The following GABRG3 variants were observed in gnomAD, a reference collection of about 807,000 sequenced individuals.
GABRG3 encodes gamma-aminobutyric acid type A receptor subunit gamma3.
A neutral mutation model predicts 48.8 loss-of-function variants in GABRG3; 25 were observed. That is an observed-to-expected ratio of 0.51 (90% CI 0.37 to 0.72). The LOEUF is 0.72. GABRG3 is among the 30% of genes least tolerant of loss of function. GABRG3 has a pLI of 0.00. For missense variants in GABRG3, 394 were observed against 577.9 expected (o/e 0.68, Z 3.26); for synonymous variants, 227 against 217.6 (o/e 1.04, Z -0.38).
chr15:27,417,970 C>G (rs1028295952), intron 5 of GABRG3, among the ~76,000 whole-genome samples: 1 of 152,122 alleles, frequency 6.6e-6, no homozygotes, highest in Non-Finnish European at 1.5e-5. Flanking sequence ...GGGGCTTTTG[C>G]GAGGATCAGA....
intron 9 of GABRG3, among the ~76,000 whole-genome samples, chr15:27,531,557 C>T (rs886529144): frequency 1.3e-5 from 2 of 152,258 alleles, no homozygotes; most frequent in African/African-American, 4.8e-5. Context: ...CTCTCCACCT[C>T]CTCCTTGGTG....
intron 1 of GABRG3, among the ~76,000 whole-genome samples, chr15:26,971,878 G>A (rs1347715773): frequency 6.6e-6 from 1 of 152,174 alleles, no homozygotes; most frequent in Non-Finnish European, 1.5e-5. Context: ...CAGGTTCAGG[G>A]GGCAGGGGCC....
intron 5 of GABRG3, among the ~76,000 whole-genome samples, chr15:27,334,077 T>G (rs1391907129): frequency 6.6e-6 from 1 of 152,216 alleles, no homozygotes; most frequent in Non-Finnish European, 1.5e-5. Flanking sequence ...TACTCATGAT[T>G]TCACTTCCAA....
At chr15:27,003,879 C>T (rs999614129) in intron 2 of GABRG3, among the ~76,000 whole-genome samples, 5 of 134,592 alleles carry the variant, frequency 3.7e-5, no homozygotes, top group African/African-American at 5.8e-5. Flanking sequence ...CCCTCCCAGA[C>T]GGGGCGGCTG....
At chr15:27,099,558 A>C (rs564012970) in intron 3 of GABRG3, among the ~76,000 whole-genome samples, 26 of 152,294 alleles carry the variant, frequency 1.7e-4, no homozygotes, top group African/African-American at 6.0e-4. Context: ...CAATCTCCAA[A>C]TGCAATGACA....
At chr15:27,279,318 T>C (rs929009365) in intron 3 of GABRG3, among the ~76,000 whole-genome samples, 4 of 152,234 alleles carry the variant, frequency 2.6e-5, no homozygotes, top group African/African-American at 4.8e-5. Flanking sequence ...TTGGATTTCA[T>C]GTAGAATAGC....
At chr15:27,097,209 T>C (rs745851765) in intron 3 of GABRG3, among the ~76,000 whole-genome samples, 29 of 151,930 alleles carry the variant, frequency 1.9e-4, no homozygotes, top group Non-Finnish European at 2.5e-4. Flanking sequence ...GGTGGGCAGA[T>C]ACTTGGAGAT....
At chr15:27,387,584 A>C (rs1895962989) in intron 5 of GABRG3, among the ~76,000 whole-genome samples, 1 of 151,860 alleles carries the variant, frequency 6.6e-6, no homozygotes, top group Non-Finnish European at 1.5e-5. Context: ...CTTGATACAC[A>C]TGTGTGAATA....
intron 3 of GABRG3, among the ~76,000 whole-genome samples, chr15:27,030,253 T>C (rs759428516): frequency 3.3e-5 from 5 of 152,198 alleles, no homozygotes; most frequent in African/African-American, 4.8e-5. Flanking sequence ...TAACAATCAA[T>C]GAAACAGGGA....
At chr15:27,445,607 G>T (rs1388525874) in intron 5 of GABRG3, among the ~76,000 whole-genome samples, 2 of 152,128 alleles carry the variant, frequency 1.3e-5, no homozygotes, top group African/African-American at 4.8e-5. Context: ...TATGTGGTTT[G>T]CAAACATTTG....
At chr15:27,387,765 C>T (rs549718625) in intron 5 of GABRG3, among the ~76,000 whole-genome samples, 33 of 122,452 alleles carry the variant, frequency 2.7e-4, no homozygotes, top group Middle Eastern at 4.5e-3. Flanking sequence ...CTGCTCATGA[C>T]AGTACAAAGT....
chr15:27,288,459 A>T (rs1206513257), intron 3 of GABRG3, among the ~76,000 whole-genome samples: 1 of 151,950 alleles, frequency 6.6e-6, no homozygotes, highest in African/African-American at 2.4e-5. Flanking sequence ...CAGTCATTAG[A>T]TTTTCATAAG....
At chr15:27,308,174 A>G (rs1422049261) in intron 3 of GABRG3, among the ~76,000 whole-genome samples, 1 of 89,442 alleles carries the variant, frequency 1.1e-5, no homozygotes, top group Admixed American at 1.0e-4. Context: ...ATATATGTTT[A>G]TATATCCAAA....
intron 2 of GABRG3, among the ~76,000 whole-genome samples, chr15:26,998,675 G>C (rs565518323): frequency 3.8e-4 from 58 of 152,298 alleles, no homozygotes; most frequent in Middle Eastern, 6.8e-3. Flanking sequence ...AAACACTGGT[G>C]ACCATCCCCT....
intron 3 of GABRG3, among the ~76,000 whole-genome samples, chr15:27,156,801 C>A (rs1898440644): frequency 6.6e-6 from 1 of 152,146 alleles, no homozygotes; most frequent in African/African-American, 2.4e-5. Flanking sequence ...AGCAATAGGG[C>A]CATGAACATT....
chr15:27,339,700 A>C (rs1367298063), intron 5 of GABRG3, among the ~76,000 whole-genome samples: 1 of 152,196 alleles, frequency 6.6e-6, no homozygotes, highest in Non-Finnish European at 1.5e-5. Context: ...GGTACACAGG[A>C]TTGCGCTGGT....
intron 3 of GABRG3, among the ~76,000 whole-genome samples, chr15:27,308,660 A>G (rs1401271568): frequency 6.7e-6 from 1 of 149,232 alleles, no homozygotes. Flanking sequence ...ATGTATAAAC[A>G]TATAATGTAA....
Position 27,307,110 on chromosome 15 carries a change from T to C in GABRG3, c.271-19699T>C, listed in dbSNP as rs549950825. 7.8e-4 allele frequency among the ~76,000 whole-genome samples: 97 copies of C among 123,860 alleles called. 1 individual carries two copies. The highest frequency in any genetic ancestry group is 1.0e-3 in the Non-Finnish European group (66 of 64,378). 81.3% of individuals were successfully genotyped at this position (123,860 alleles called of 152,430 possible). The stretch of plus-strand genomic sequence containing the variant: ...TATAAACATATAATATAAACATGTT[T>C]ATATATAAACATAATATAAACATGT... On this transcript the variant is annotated intron_variant, in intron 3 of 9. Coordinates refer to ENST00000615808, the MANE Select transcript of GABRG3 (RefSeq NM_033223.5).
At chr15:27,263,448 G>A (rs750323858) in intron 3 of GABRG3, among the ~76,000 whole-genome samples, 6 of 152,066 alleles carry the variant, frequency 3.9e-5, no homozygotes, top group Non-Finnish European at 7.4e-5. Context: ...CCCACATTAA[G>A]AGGTTTGAAC....
Sources: gnomAD v4.1 joint callset for allele counts (sites outside exome capture counted in the v4.1 genomes callset) on GRCh38, gnomAD v4.1.1 for gene constraint, MANE v1.5 for transcripts, NCBI Gene and HGNC (gene_info 2026-07-23, HGNC 2026-07-21) for gene names.